The following HPSE2 variants were observed in gnomAD, a reference collection of about 807,000 sequenced individuals.
HPSE2 encodes inactive heparanase-2.
A neutral mutation model predicts 60.5 loss-of-function variants in HPSE2; 38 were observed. The observed-to-expected ratio is 0.63, with a 90% CI of 0.48 to 0.82. The LOEUF (loss-of-function observed/expected upper bound fraction) is 0.82. Among genes scored for constraint, HPSE2 ranks in the 40% least tolerant of loss-of-function variants. HPSE2 has a pLI of 0.00. For missense variants in HPSE2, 713 were observed against 740.4 expected (o/e 0.96, Z 0.43); for synonymous variants, 295 against 293.2 (o/e 1.01, Z -0.06).
the HPSE2 span, among the ~76,000 whole-genome samples, chr10:99,298,312 G>A: frequency 1.3e-5 from 2 of 152,184 alleles, no homozygotes; most frequent in Non-Finnish European, 2.9e-5. Flanking sequence ...ATCTACTTTT[G>A]TAACACCTTG....
intron 6 of HPSE2, among the ~76,000 whole-genome samples, chr10:98,659,323 A>G (rs1379951518): frequency 6.6e-6 from 1 of 151,970 alleles, no homozygotes; most frequent in Non-Finnish European, 1.5e-5. Flanking sequence ...CATCCCAGTA[A>G]TTTTCCATCC....
chr10:99,046,591 C>CTT (rs754346689), intron 3 of HPSE2, among the ~76,000 whole-genome samples: 8 of 152,190 alleles, frequency 5.3e-5, no homozygotes, highest in Non-Finnish European at 8.8e-5. Flanking sequence ...AAAGACTCCC[C>CTT]AAAAGGCTAC....
chr10:99,040,940 A>G (rs1957724223), intron 3 of HPSE2, among the ~76,000 whole-genome samples: 1 of 152,060 alleles, frequency 6.6e-6, no homozygotes, highest in Non-Finnish European at 1.5e-5. Flanking sequence ...CAAAAAAATT[A>G]GCCAGGTGTG....
chr10:98,462,169 CTTTTTA>C (rs1358544080), intron 11 of HPSE2, among the ~76,000 whole-genome samples: 1 of 151,972 alleles, frequency 6.6e-6, no homozygotes, highest in Non-Finnish European at 1.5e-5. Context: ...TGTTGTTGTT[CTTTTTA>C]TTTTTATTTA....
At chr10:98,756,435 A>G (rs115230433) in intron 3 of HPSE2, among the ~76,000 whole-genome samples, 2,729 of 149,758 alleles carry the variant, frequency 0.018, 103 homozygotes, top group African/African-American at 0.064. Flanking sequence ...AGACTAATAA[A>G]GAAAGAAGAA....
chr10:98,534,493 C>T (rs1943222767), intron 9 of HPSE2, among the ~76,000 whole-genome samples: 1 of 152,162 alleles, frequency 6.6e-6, no homozygotes, highest in Non-Finnish European at 1.5e-5. Flanking sequence ...CAACCTCCGC[C>T]TCTTGGGATC....
At chr10:99,006,606 A>C (rs978703541) in intron 3 of HPSE2, among the ~76,000 whole-genome samples, 3 of 150,830 alleles carry the variant, frequency 2.0e-5, no homozygotes, top group African/African-American at 7.3e-5. Context: ...CCTAGAACCT[A>C]TATCTGTGAT....
intron 3 of HPSE2, among the ~76,000 whole-genome samples, chr10:98,770,826 A>G (rs1950225197): frequency 6.6e-6 from 1 of 152,170 alleles, no homozygotes; most frequent in Non-Finnish European, 1.5e-5. Context: ...AGCAGGGAAT[A>G]CGATGGGGAT....
intron 6 of HPSE2, among the ~76,000 whole-genome samples, chr10:98,688,484 T>TC (rs201351537): frequency 0.011 from 1,506 of 139,010 alleles, 56 homozygotes; most frequent in African/African-American, 0.037. Context: ...TTTCTTTTTT[T>TC]TTTTTTTTTG....
the HPSE2 span, among the ~76,000 whole-genome samples, chr10:99,304,489 G>C: frequency 6.6e-6 from 1 of 152,230 alleles, no homozygotes; most frequent in Non-Finnish European, 1.5e-5. Flanking sequence ...GCTTGCCCTT[G>C]AATTCTTTCC....
At chr10:99,169,087 G>T (rs189752470) in intron 2 of HPSE2, among the ~76,000 whole-genome samples, 1,621 of 151,700 alleles carry the variant, frequency 0.011, 22 homozygotes, top group African/African-American at 0.035. Flanking sequence ...CAGCTACTCG[G>T]GAGGCTGAGG....
rs919227564 is a variant in HPSE2, at chr10:98,536,039, T to G, written c.1321-45843A>C. On this transcript the variant is annotated intron_variant, in intron 9 of 11. Transcript: ENST00000370552. The stretch of plus-strand genomic sequence containing the variant: ...ATTAACCTCACAGCCCCCTCTTATA[T>G]GCAGACAAAAGATGGGCAATAGGTC... Among the ~76,000 whole-genome samples, 11 of 152,308 alleles carry G rather than the reference T, an allele frequency of 7.2e-5. No individual in the cohort carries two copies. The East Asian group carries it at 2.1e-3, about 29-fold the overall frequency.
the HPSE2 span, among the ~76,000 whole-genome samples, chr10:99,288,623 C>G: frequency 6.6e-6 from 1 of 150,466 alleles, no homozygotes; most frequent in Non-Finnish European, 1.5e-5. Flanking sequence ...AGGAGAAAAG[C>G]AAAGGGAACC....
At chr10:98,659,644 T>C (rs1947171563) in intron 6 of HPSE2, among the ~76,000 whole-genome samples, 1 of 152,244 alleles carries the variant, frequency 6.6e-6, no homozygotes, top group Non-Finnish European at 1.5e-5. Context: ...TATATTTGTT[T>C]GAATGCCTGT....
chr10:98,982,729 TA>T (rs1956236869), intron 3 of HPSE2, among the ~76,000 whole-genome samples: 1 of 152,036 alleles, frequency 6.6e-6, no homozygotes, highest in African/African-American at 2.4e-5. Flanking sequence ...ACAAGGAAAA[TA>T]AACTGTGCTT....
intron 6 of HPSE2, among the ~76,000 whole-genome samples, chr10:98,690,704 A>G (rs552705274): frequency 1.1e-3 from 168 of 151,076 alleles, no homozygotes; most frequent in African/African-American, 4.0e-3. Flanking sequence ...TTTATATTTT[A>G]TCATTGCTCT....
intron 11 of HPSE2, among the ~76,000 whole-genome samples, chr10:98,470,743 T>A (rs180729320): frequency 6.8e-4 from 103 of 152,310 alleles, no homozygotes; most frequent in South Asian, 3.9e-3. Context: ...GTCTAGGTCA[T>A]CTGGGACAGA....
chr10:99,300,014 G>T, the HPSE2 span, among the ~76,000 whole-genome samples: 1 of 134,846 alleles, frequency 7.4e-6, no homozygotes, highest in East Asian at 2.1e-4. Context: ...ATAGGGACAG[G>T]GCAGAGGGAG....
intron 2 of HPSE2, among the ~76,000 whole-genome samples, chr10:99,224,682 C>T (rs370280594): frequency 2.6e-5 from 4 of 152,062 alleles, no homozygotes; most frequent in Non-Finnish European, 5.9e-5. Flanking sequence ...CCCATCCCAT[C>T]AGTAGGGATT....
Sources: allele counts gnomAD v4.1 joint callset (sites outside exome capture counted in the v4.1 genomes callset), GRCh38; gene constraint gnomAD v4.1.1; transcripts MANE v1.5; gene names NCBI Gene and HGNC (gene_info 2026-07-23, HGNC 2026-07-21).